The following ENOX1 variants were observed in gnomAD, a reference collection of about 807,000 sequenced individuals.
ENOX1 encodes candidate growth-related and time keeping constitutive hydroquinone (NADH) oxidase.
A neutral mutation model predicts 82.5 loss-of-function variants in ENOX1; 42 were observed. The ratio of observed to expected loss-of-function variants is 0.51; its 90% CI spans 0.40 to 0.66. The LOEUF is 0.66. Ranked by LOEUF, ENOX1 falls within the 30% of genes least tolerant of loss-of-function variation. The pLI is 0.00. For missense variants in ENOX1, 608 were observed against 811.6 expected, an observed-to-expected ratio of 0.75 and a Z score of 3.05; for synonymous variants, 271 against 282.2, an observed-to-expected ratio of 0.96 and a Z score of 0.40.
intron 1 of ENOX1, among the ~76,000 whole-genome samples, chr13:43,690,813 A>G (rs926229819): frequency 1.3e-5 from 2 of 152,192 alleles, no homozygotes; most frequent in Non-Finnish European, 2.9e-5. Flanking sequence ...CAGATAATGT[A>G]TGAAACTGAG....
At chr13:43,275,007 G>A (rs2044923143) in intron 12 of ENOX1, among the ~76,000 whole-genome samples, 2 of 152,186 alleles carry the variant, frequency 1.3e-5, no homozygotes, top group South Asian at 2.1e-4. Context: ...CATGCTGTCT[G>A]GGAGACACCT....
chr13:43,378,364 CAT>C (rs1307984201), intron 5 of ENOX1, among the ~76,000 whole-genome samples: 1 of 152,148 alleles, frequency 6.6e-6, no homozygotes, highest in Non-Finnish European at 1.5e-5. Context: ...GAATAGCACA[CAT>C]GTGTGCACAC....
intron 3 of ENOX1, among the ~76,000 whole-genome samples, chr13:43,437,792 C>A (rs1339709854): frequency 6.6e-6 from 1 of 151,934 alleles, no homozygotes; most frequent in Non-Finnish European, 1.5e-5. Context: ...TCTAGGTGAA[C>A]AAGAAACTCA....
At chr13:43,234,267 T>C (rs937493062) in intron 15 of ENOX1, among the ~76,000 whole-genome samples, 97 of 152,298 alleles carry the variant, frequency 6.4e-4, no homozygotes, top group Admixed American at 6.1e-3. Context: ...TATCCTCTTT[T>C]GGAGGATTAT....
chr13:43,738,948 C>G (rs1566857101), intron 1 of ENOX1, among the ~76,000 whole-genome samples: 1 of 152,180 alleles, frequency 6.6e-6, no homozygotes, highest in Non-Finnish European at 1.5e-5. Context: ...ATACTCATGG[C>G]TTAGCGGGGT....
chr13:43,272,995 G>C (rs964496111), intron 12 of ENOX1, among the ~76,000 whole-genome samples: 2 of 152,110 alleles, frequency 1.3e-5, no homozygotes, highest in Non-Finnish European at 2.9e-5. Context: ...GCTCTCTCCA[G>C]GGGATCCTAT....
intron 2 of ENOX1, among the ~76,000 whole-genome samples, chr13:43,488,440 A>G (rs1169259554): frequency 6.6e-6 from 1 of 152,236 alleles, no homozygotes; most frequent in Non-Finnish European, 1.5e-5. Flanking sequence ...AGCCTCCAGG[A>G]CTGTGAGAAA....
chr13:43,711,166 G>A (rs561392699), intron 1 of ENOX1, among the ~76,000 whole-genome samples: 7 of 148,068 alleles, frequency 4.7e-5, no homozygotes, highest in Admixed American at 2.1e-4. Context: ...GAGAACATGC[G>A]GTGTTTGGTT....
chr13:43,777,657 C>G (rs1204689499), intron 1 of ENOX1, among the ~76,000 whole-genome samples: 1 of 152,014 alleles, frequency 6.6e-6, no homozygotes, highest in East Asian at 1.9e-4. Context: ...ATTCTCTTGC[C>G]TCAGCCCCCC....
intron 2 of ENOX1, among the ~76,000 whole-genome samples, chr13:43,645,486 G>A (rs2083855416): frequency 6.6e-6 from 1 of 152,096 alleles, no homozygotes; most frequent in African/African-American, 2.4e-5. Context: ...GATTCAATTG[G>A]CATCATCCAT....
chr13:43,624,682 C>CA (rs1422519297), intron 2 of ENOX1, among the ~76,000 whole-genome samples: 6 of 151,138 alleles, frequency 4.0e-5, no homozygotes, highest in East Asian at 1.9e-4. Flanking sequence ...GCACCTCTGT[C>CA]AAAAATCATG....
intron 2 of ENOX1, among the ~76,000 whole-genome samples, chr13:43,523,265 T>G (rs1043537869): frequency 6.6e-6 from 1 of 151,952 alleles, no homozygotes; most frequent in African/African-American, 2.4e-5. Context: ...AGAAATGGGG[T>G]TGGTTTTAAG....
intron 2 of ENOX1, among the ~76,000 whole-genome samples, chr13:43,609,427 TG>T (rs1405292789): frequency 2.0e-5 from 3 of 152,246 alleles, no homozygotes; most frequent in Non-Finnish European, 4.4e-5. Context: ...AAGTAATTTA[TG>T]TTTTGGTACA....
chr13:43,435,746 T>G (rs1256623051), intron 3 of ENOX1, among the ~76,000 whole-genome samples: 1 of 152,168 alleles, frequency 6.6e-6, no homozygotes, highest in Non-Finnish European at 1.5e-5. Flanking sequence ...TTATTTCCAT[T>G]CATAAAAAAT....
In ENOX1 at chr13:43,253,116, C is replaced by A. The variant is rs370555021; in HGVS notation, c.1611+12282G>T. Among the ~76,000 whole-genome samples, 11 of 152,238 alleles carry A rather than the reference C, an allele frequency of 7.2e-5. No individual in the cohort carries two copies. In the East Asian group the frequency reaches 1.4e-3, roughly 19 times the overall value. On this transcript the variant is annotated intron_variant, in intron 14 of 16. Coordinates refer to ENST00000690772, the MANE Select transcript of ENOX1 (RefSeq NM_001347969.2). ...TTAAGTGTGGATATTTGTGCAACTG[C>A]AAACATACCTTTGATGCAAGCAGAT...
At chr13:43,405,606 C>T (rs2053747675) in intron 5 of ENOX1, among the ~76,000 whole-genome samples, 1 of 144,998 alleles carries the variant, frequency 6.9e-6, no homozygotes, top group Admixed American at 7.0e-5. Context: ...CTAGGAGTCA[C>T]TGTTGATTCT....
intron 11 of ENOX1, among the ~76,000 whole-genome samples, chr13:43,316,644 T>TC (rs1487471949): frequency 5.8e-5 from 8 of 137,210 alleles, no homozygotes; most frequent in African/African-American, 2.2e-4. Context: ...AAAAAAAAAA[T>TC]TCTACACTTT....
intron 8 of ENOX1, among the ~76,000 whole-genome samples, chr13:43,345,587 T>C (rs1454943181): frequency 6.6e-6 from 1 of 152,208 alleles, no homozygotes; most frequent in Non-Finnish European, 1.5e-5. Context: ...CCGTGTTGTA[T>C]GGCTTGGAGG....
intron 14 of ENOX1, among the ~76,000 whole-genome samples, chr13:43,243,961 T>C (rs1173257059): frequency 6.6e-6 from 1 of 151,972 alleles, no homozygotes; most frequent in Non-Finnish European, 1.5e-5. Context: ...AAGGCTTCCT[T>C]ATCTGCACAC....
Sources: allele counts gnomAD v4.1 joint callset (sites outside exome capture counted in the v4.1 genomes callset), GRCh38; gene constraint gnomAD v4.1.1; transcripts MANE v1.5; gene names NCBI Gene and HGNC (gene_info 2026-07-23, HGNC 2026-07-21).